The following RELN variants were observed in gnomAD, a reference collection of about 807,000 sequenced individuals.
RELN encodes reelin.
In RELN, 108 loss-of-function variants were observed where a neutral mutation model predicts 427.6. That is an observed-to-expected ratio of 0.25 (90% CI 0.22 to 0.30). The LOEUF (loss-of-function observed/expected upper bound fraction) is 0.30, where lower values mean the gene tolerates loss of function less well. Among genes scored for constraint, RELN ranks in the 10% least tolerant of loss-of-function variants. The pLI, the probability that RELN is intolerant of heterozygous loss-of-function variation, is 1.00. For synonymous variants in RELN, 1,524 were observed against 1,513.4 expected, an observed-to-expected ratio of 1.01 and a Z score of -0.16; for missense variants, 3,715 against 4,302.8, an observed-to-expected ratio of 0.86 and a Z score of 3.82.
chr7:103,535,774 C>A (rs540367652), intron 45 of RELN, among the ~76,000 whole-genome samples: 2 of 152,148 alleles, frequency 1.3e-5, no homozygotes, highest in South Asian at 4.1e-4. Flanking sequence ...GCTTTTGGAA[C>A]AATCATCATG....
intron 1 of RELN, among the ~76,000 whole-genome samples, chr7:103,919,922 T>C (rs1795575541): frequency 6.6e-6 from 1 of 152,192 alleles, no homozygotes; most frequent in South Asian, 2.1e-4. Flanking sequence ...AATATGTATA[T>C]GAACTAGAAG....
At chr7:103,600,583 C>G (rs1584332422) in intron 24 of RELN, among the ~76,000 whole-genome samples, 1 of 152,156 alleles carries the variant, frequency 6.6e-6, no homozygotes. Context: ...TGCACCAGCC[C>G]CATTTAAGCC....
intron 2 of RELN, among the ~76,000 whole-genome samples, chr7:103,863,329 A>AG (rs1377633696): frequency 2.0e-5 from 3 of 152,192 alleles, no homozygotes; most frequent in Admixed American, 1.3e-4. Context: ...AGAGCTGGAA[A>AG]GGGCCCTGGA....
At chr7:103,624,367 A>G (rs1832282423) in intron 20 of RELN, among the ~76,000 whole-genome samples, 1 of 152,106 alleles carries the variant, frequency 6.6e-6, no homozygotes, top group Non-Finnish European at 1.5e-5. Flanking sequence ...ATCAGGCTTC[A>G]AAGATCCTCC....
rs558269380 is a variant in RELN, at chr7:103,724,469, C to T, written c.754-1278G>A. Among the ~76,000 whole-genome samples the T allele has an allele frequency of 1.4e-4, 21 of 152,240 alleles. No individual in the cohort carries two copies. The East Asian group carries it at 3.9e-3, about 28-fold the overall frequency. On this transcript the variant is annotated intron_variant, in intron 7 of 64. Transcript: ENST00000428762. Reference sequence around the variant, plus strand: ...ACTTGGAGAGGTGACTGAACGTGTGCTTTAAATACACGGCTATAAAGCTAC... The same window carrying T: ...ACTTGGAGAGGTGACTGAACGTGTGTTTTAAATACACGGCTATAAAGCTAC...
chr7:103,547,534 T>C (rs1830326881), intron 41 of RELN, among the ~76,000 whole-genome samples: 1 of 152,188 alleles, frequency 6.6e-6, no homozygotes, highest in Non-Finnish European at 1.5e-5. Flanking sequence ...TGACCTCAAG[T>C]GATCCGCCCA....
At chr7:103,890,845 A>G (rs974327127) in intron 2 of RELN, among the ~76,000 whole-genome samples, 1 of 152,174 alleles carries the variant, frequency 6.6e-6, no homozygotes, top group East Asian at 1.9e-4. Context: ...TGGGAGGCTG[A>G]GGCGGGCAGA....
chr7:103,766,604 C>T (rs992525250), intron 4 of RELN, among the ~76,000 whole-genome samples: 5 of 152,322 alleles, frequency 3.3e-5, no homozygotes, highest in Admixed American at 3.3e-4. Flanking sequence ...ACATTCTGGA[C>T]TTCTTGTTAA....
intron 2 of RELN, among the ~76,000 whole-genome samples, chr7:103,893,708 G>A (rs1037526337): frequency 3.3e-5 from 5 of 152,100 alleles, no homozygotes; most frequent in Non-Finnish European, 7.4e-5. Flanking sequence ...ATTTTCCTTT[G>A]CAACCAAAGA....
chr7:103,732,459 G>A (rs979539196), intron 6 of RELN, among the ~76,000 whole-genome samples: 72 of 152,080 alleles, frequency 4.7e-4, no homozygotes, highest in African/African-American at 1.7e-3. Flanking sequence ...TATCAATAAA[G>A]TATTGTACAA....
intron 11 of RELN, among the ~76,000 whole-genome samples, chr7:103,681,561 G>A (rs551705530): frequency 1.3e-5 from 2 of 152,084 alleles, no homozygotes; most frequent in South Asian, 4.2e-4. Flanking sequence ...TTAAGACCCA[G>A]AAGAAGGCAC....
Position 103,603,158 on chromosome 7 carries a change from C to T in RELN, c.3333+146G>A. ...ACAACAAGAATTTCCCAAGACATAG[C>T]TAAGGAATAGGAATTTGATAGAGCC... On this transcript the variant is annotated intron_variant, in intron 24 of 64. Coordinates refer to ENST00000428762, the MANE Select transcript of RELN (RefSeq NM_005045.4). The surrounding 1 kb of genome is among the most constrained non-coding windows in gnomAD (Gnocchi z 4.3). The T allele has an allele frequency of 1.4e-6, 1 of 739,946 alleles. No individual in the cohort carries two copies. Among genetic ancestry groups the T allele is most frequent in the Admixed American group, 2.0e-5 (1 of 50,352 alleles). 45.8% of individuals were successfully genotyped at this position (739,946 alleles called of 1,614,324 possible).
chr7:103,639,885 A>C (rs1832663159), intron 17 of RELN, among the ~76,000 whole-genome samples: 1 of 152,196 alleles, frequency 6.6e-6, no homozygotes, highest in South Asian at 2.1e-4. Flanking sequence ...AATATTTTAT[A>C]ATTAAATATT....
intron 12 of RELN, among the ~76,000 whole-genome samples, chr7:103,658,751 G>T (rs1833074994): frequency 6.6e-6 from 1 of 151,664 alleles, no homozygotes; most frequent in Non-Finnish European, 1.5e-5. Flanking sequence ...CCACACCATT[G>T]GGGAAACTCC....
chr7:103,719,999 T>A (rs546607838), intron 8 of RELN, among the ~76,000 whole-genome samples: 9 of 152,268 alleles, frequency 5.9e-5, no homozygotes, highest in African/African-American at 1.9e-4. Flanking sequence ...TTAAAAATCA[T>A]TGGTTAAGAC....
chr7:103,657,195 T>C (rs1330215534), intron 12 of RELN, among the ~76,000 whole-genome samples: 2 of 152,062 alleles, frequency 1.3e-5, no homozygotes, highest in Non-Finnish European at 2.9e-5. Context: ...TTCAACAACC[T>C]GTGGAGAAAA....
At position 103,626,260 on chromosome 7, in the gene RELN, C is replaced by T. The variant is rs1309041185; in HGVS notation, c.2702+3680G>A. 5.3e-5 allele frequency among the ~76,000 whole-genome samples: 8 copies of T among 152,038 alleles called. No individual in the cohort carries two copies. In the East Asian group the frequency reaches 9.6e-4, roughly 18 times the overall value. ...GTGTGAGAATTTGAAATCAGGCCTA[C>T]GACCTCAAAGCCTATGTTTCTACCA... is the stretch of plus-strand genomic sequence containing the variant. On this transcript the variant is annotated intron_variant, in intron 20 of 64. Transcript: ENST00000428762. This position sits in a 1 kb window ranked among gnomAD's most constrained non-coding sequence, Gnocchi z 4.4.
At chr7:103,985,559 G>C (rs1391446173) in intron 1 of RELN, among the ~76,000 whole-genome samples, 1 of 152,072 alleles carries the variant, frequency 6.6e-6, no homozygotes, top group African/African-American at 2.4e-5. Context: ...TGATTTCAGG[G>C]GCATCCAAGT....
chr7:103,679,039 T>G (rs1228101959), intron 11 of RELN, among the ~76,000 whole-genome samples: 3 of 152,254 alleles, frequency 2.0e-5, no homozygotes, highest in Admixed American at 1.3e-4. Context: ...TGCTTCACAT[T>G]AATTAGATTT....
Sources: allele counts gnomAD v4.1 joint callset (sites outside exome capture counted in the v4.1 genomes callset), GRCh38; gene constraint gnomAD v4.1.1; non-coding constraint Gnocchi (gnomAD v3.1); transcripts MANE v1.5; gene names NCBI Gene and HGNC (gene_info 2026-07-23, HGNC 2026-07-21).